NSUN6: variants seen among roughly 807,000 people sequenced by gnomAD.
NSUN6 encodes NOP2/Sun RNA methyltransferase 6.
Under a neutral mutation model 58.0 loss-of-function variants are expected in NSUN6, and 64 were observed. The observed-to-expected ratio is 1.10, with a 90% CI of 0.90 to 1.36. The LOEUF is 1.36. NSUN6 is among the 40% of genes most tolerant of loss of function. The probability of loss-of-function intolerance (pLI) is 0.00; values close to 1 mark genes in which losing one functional copy is unlikely to be tolerated. For synonymous variants in NSUN6, 231 were observed against 193.9 expected (o/e 1.19, Z -1.59); for missense variants, 701 against 550.1 (o/e 1.27, Z -2.74).
rs2054624408 is a variant in NSUN6, at chr10:18,551,859, T to C, written c.1035A>G (p.Ala345=). 4 of 1,613,676 alleles carry C rather than the reference T, an allele frequency of 2.5e-6. No homozygotes were observed. In the Admixed American group the frequency reaches 5.0e-5, roughly 20 times the overall value. The change falls in exon 9 of 11, where the codon GCA becomes GCG. Residue 345 remains alanine (A), a synonymous_variant. Coordinates refer to ENST00000377304, the MANE Select transcript of NSUN6 (RefSeq NM_182543.5). ...GTTTTCGCTGTAATGGCTGATATGA[T>C]GCCACTTCCTTCACAGACCAAGTAC... ...MACTWSVKEV[A]SYQPLQRKLF...
chr10:18,547,480 A>T (rs1397805040), intron 10 of NSUN6, among the ~76,000 whole-genome samples: 3 of 152,198 alleles, frequency 2.0e-5, no homozygotes, highest in African/African-American at 7.2e-5. Flanking sequence ...TACTAAAGTT[A>T]GATGCTCAAT....
chr10:18,613,595 A>G (rs1278820078), intron 5 of NSUN6, among the ~76,000 whole-genome samples: 1 of 152,226 alleles, frequency 6.6e-6, no homozygotes, highest in East Asian at 1.9e-4. Context: ...AGATAAACAC[A>G]GCAGATATAT....
At chr10:18,632,994 T>C (rs1021347370) in intron 3 of NSUN6, among the ~76,000 whole-genome samples, 2 of 152,032 alleles carry the variant, frequency 1.3e-5, no homozygotes, top group South Asian at 4.2e-4. Context: ...TAGCAAAGAC[T>C]TGGAACCAAC....
intron 8 of NSUN6, among the ~76,000 whole-genome samples, chr10:18,573,346 C>G (rs1458628911): frequency 6.6e-6 from 1 of 151,472 alleles, no homozygotes; most frequent in African/African-American, 2.4e-5. Flanking sequence ...CCATTCCTTT[C>G]CATTCCTCAT....
intron 3 of NSUN6, among the ~76,000 whole-genome samples, chr10:18,633,675 C>T (rs1343635218): frequency 6.6e-6 from 1 of 152,030 alleles, no homozygotes; most frequent in Non-Finnish European, 1.5e-5. Context: ...TTGTCAGTGT[C>T]CTGTTCAGAG....
chr10:18,631,842 T>C (rs1426101130), intron 3 of NSUN6, among the ~76,000 whole-genome samples: 5 of 152,196 alleles, frequency 3.3e-5, no homozygotes, highest in Non-Finnish European at 4.4e-5. Flanking sequence ...AGGTAATTTG[T>C]AGATTCAATG....
chr10:18,651,071 G>T, intron 1 of NSUN6, 58 bp downstream of exon 1: 1 of 1,562,612 alleles, frequency 6.4e-7, no homozygotes, highest in Non-Finnish European at 8.6e-7. Context: ...TATTTCTCTC[G>T]AGTGTGCGAA....
intron 6 of NSUN6, among the ~76,000 whole-genome samples, chr10:18,597,094 G>T (rs2131215557): frequency 6.6e-6 from 1 of 152,134 alleles, no homozygotes; most frequent in East Asian, 1.9e-4. Context: ...CTCAAACCCT[G>T]GCTGTTTCTG....
intron 8 of NSUN6, among the ~76,000 whole-genome samples, chr10:18,582,720 C>T (rs2056960171): frequency 6.6e-6 from 1 of 152,104 alleles, no homozygotes; most frequent in Non-Finnish European, 1.5e-5. Context: ...CAGTTTAACA[C>T]AAAGAGCAGG....
intron 8 of NSUN6, among the ~76,000 whole-genome samples, chr10:18,569,056 T>C (rs1203516754): frequency 1.3e-5 from 2 of 150,910 alleles, no homozygotes; most frequent in African/African-American, 4.9e-5. Flanking sequence ...TTCCAATCAA[T>C]TCTCCATTTC....
chr10:18,654,707 C>G (rs1490543682), upstream of NSUN6: 3 of 152,070 alleles, frequency 2.0e-5, no homozygotes, highest in African/African-American at 7.3e-5. Context: ...ATGTAAAACC[C>G]CATCTGTACT....
At chr10:18,566,751 C>T (rs150349040) in intron 8 of NSUN6, among the ~76,000 whole-genome samples, 476 of 151,236 alleles carry the variant, frequency 3.1e-3, no homozygotes, top group Non-Finnish European at 4.8e-3. Flanking sequence ...CCATTCCATT[C>T]GATGCTCCAT....
In NSUN6 at chr10:18,587,046, G is replaced by A. The variant is rs537185009; in HGVS notation, c.778-953C>T. On this transcript the variant is annotated intron_variant, in intron 7 of 10. Coordinates refer to ENST00000377304, the MANE Select transcript of NSUN6 (RefSeq NM_182543.5). ...ATCCAATTCACATTAAATACTTATG[G>A]CTTTCCATTAAGAAAATACACATTC... is the stretch of plus-strand genomic sequence containing the variant. Among the ~76,000 whole-genome samples, 22 of 152,238 alleles carry A rather than the reference G, an allele frequency of 1.4e-4. No individual in the cohort carries two copies. In the South Asian group the frequency reaches 4.4e-3, roughly 30 times the overall value.
chr10:18,597,548 T>C (rs910046814), intron 6 of NSUN6, among the ~76,000 whole-genome samples: 6 of 151,996 alleles, frequency 3.9e-5, no homozygotes, highest in African/African-American at 1.4e-4. Flanking sequence ...AGCGGGAGGA[T>C]TGCCTGAGGT....
Position 18,614,582 on chromosome 10 carries a change from G to C in NSUN6, c.453C>G (p.Tyr151Ter). The part of the protein sequence containing the change: ...FMKAGDVISV[Y>*]SDIKGKCKKG... ...TCTTACATTTTCCTTTAATATCAGA[G>C]TATACAGAAATAACATCTCCAGCTT... The change falls in exon 5 of 11, where the codon TAC (tyrosine) becomes TAG (stop). Residue 151 changes from tyrosine to a stop codon, truncating the protein, a stop_gained. Transcript: ENST00000377304. LOFTEE classifies it high-confidence loss of function. The C allele has an allele frequency of 6.8e-7, 1 of 1,478,312 alleles. No homozygotes were observed. Among genetic ancestry groups the C allele is most frequent in the South Asian group, 1.3e-5 (1 of 78,426 alleles). 91.6% of individuals were successfully genotyped at this position (1,478,312 alleles called of 1,614,324 possible).
At chr10:18,578,646 G>T (rs962133755) in intron 8 of NSUN6, among the ~76,000 whole-genome samples, 3 of 152,098 alleles carry the variant, frequency 2.0e-5, no homozygotes, top group Admixed American at 6.6e-5. Flanking sequence ...GCATAAATTT[G>T]TACTAAATTC....
chr10:18,570,676 A>G (rs899440874), intron 8 of NSUN6, among the ~76,000 whole-genome samples: 2 of 142,158 alleles, frequency 1.4e-5, no homozygotes, highest in African/African-American at 2.7e-5. Flanking sequence ...TCTATTCTCC[A>G]TTCCATTTCA....
intron 8 of NSUN6, among the ~76,000 whole-genome samples, chr10:18,565,435 TTCTCCATTTCATTCCAC>T (rs1158477988): frequency 9.9e-5 from 15 of 150,994 alleles, no homozygotes; most frequent in Admixed American, 8.6e-4. Context: ...CTCCATTCCA[TTCTCCATTTCATTCCAC>T]TCTCCATTCC....
intron 7 of NSUN6, among the ~76,000 whole-genome samples, chr10:18,594,608 C>T (rs1349736586): frequency 6.6e-6 from 1 of 152,106 alleles, no homozygotes; most frequent in African/African-American, 2.4e-5. Context: ...GCCACCATGC[C>T]CAGCTACTTT....
Sources: allele counts gnomAD v4.1 joint callset (sites outside exome capture counted in the v4.1 genomes callset), GRCh38; gene constraint gnomAD v4.1.1; transcripts MANE v1.5; gene names NCBI Gene and HGNC (gene_info 2026-07-23, HGNC 2026-07-21).